The following DISC1 variants were observed in gnomAD, a reference collection of about 807,000 sequenced individuals.
DISC1 encodes disrupted in schizophrenia 1 protein.
Under a neutral mutation model 84.5 loss-of-function variants are expected in DISC1, and 57 were observed. That is an observed-to-expected ratio of 0.67 (90% CI 0.55 to 0.84). The LOEUF (loss-of-function observed/expected upper bound fraction) is 0.84. Ranked by LOEUF, DISC1 falls within the 40% of genes least tolerant of loss-of-function variation. The probability of loss-of-function intolerance (pLI) is 0.00; values close to 1 mark genes in which losing one functional copy is unlikely to be tolerated. For synonymous variants in DISC1, 411 were observed against 415.2 expected (o/e 0.99, Z 0.12); for missense variants, 1,000 against 1,057.8 (o/e 0.95, Z 0.76).
chr1:231,746,956 TCTCA>T (rs1358278379), intron 3 of DISC1, among the ~76,000 whole-genome samples: 19 of 152,110 alleles, frequency 1.2e-4, no homozygotes, highest in Admixed American at 2.0e-4. Flanking sequence ...TGAGAAAGGG[TCTCA>T]CTCTATTCCC....
chr1:231,989,038 C>T (rs1028235229), intron 10 of DISC1, among the ~76,000 whole-genome samples: 1 of 152,202 alleles, frequency 6.6e-6, no homozygotes, highest in African/African-American at 2.4e-5. Flanking sequence ...TCAGCAGTCC[C>T]TTTCATCCAT....
intron 6 of DISC1, among the ~76,000 whole-genome samples, chr1:231,781,702 T>C (rs1002334944): frequency 1.1e-4 from 16 of 151,994 alleles, no homozygotes; most frequent in Non-Finnish European, 1.9e-4. Flanking sequence ...CTTTATCAAA[T>C]TCTCTTATTC....
In DISC1 at chr1:231,694,660, C is replaced by A. The variant is rs763163271; in HGVS notation, c.902C>A (p.Ser301Tyr). 10 of 1,614,254 alleles carry A rather than the reference C, an allele frequency of 6.2e-6. No homozygotes were observed. Among genetic ancestry groups the A allele is most frequent in the Non-Finnish European group, 8.5e-6 (10 of 1,180,048 alleles). The change falls in exon 2 of 13, where the codon TCC becomes TAC. Residue 301 changes from serine (S) to tyrosine (Y), a missense_variant. Physicochemically the swap from Ser to Tyr is moderately radical, Grantham distance 144 (BLOSUM62 -2). Around this residue, in one of 3 missense-constraint regions of DISC1, gnomAD observed 311 missense variants for 400.1 expected, o/e 0.78. Transcript: ENST00000439617. The stretch of plus-strand genomic sequence containing the variant: ...TCTTTACCAGACATGGACCCTGGCT[C>A]CTCCAGTTCTCTGGATCCCTCACTG... ...MHSLPDMDPG[S>Y]SSSLDPSLAG...
At chr1:231,691,838 A>T (rs1476862670) in intron 1 of DISC1, among the ~76,000 whole-genome samples, 1 of 152,076 alleles carries the variant, frequency 6.6e-6, no homozygotes, top group East Asian at 1.9e-4. Context: ...CCCTGTTCCG[A>T]CTGCTGCCCC....
intron 1 of DISC1, among the ~76,000 whole-genome samples, chr1:231,651,594 G>T (rs2060627531): frequency 6.6e-6 from 1 of 152,224 alleles, no homozygotes; most frequent in Admixed American, 6.5e-5. Context: ...CAAACACCAT[G>T]CTGGGAGAAC....
chr1:231,940,459 C>G (rs2091255466), intron 9 of DISC1, among the ~76,000 whole-genome samples: 1 of 152,142 alleles, frequency 6.6e-6, no homozygotes, highest in South Asian at 2.1e-4. Context: ...CACTGTTCTG[C>G]CTTAGGACCC....
rs551888165 is a variant in DISC1, at chr1:231,832,915, G to C, written c.1981+14398G>C. 6.5e-3 allele frequency among the ~76,000 whole-genome samples: 839 copies of C among 128,722 alleles called. 92 individuals carry two copies. The highest frequency in any genetic ancestry group is 0.023 in the African/African-American group (779 of 34,232). The allele number at this position is 128,722 out of a possible 152,430, so 84.4% of individuals were successfully genotyped here. ...TGCTGTAACAGGTGAGTGATAACAG[G>C]CTTTAATCATTTTAAAGAGTGCTGT... On this transcript the variant is annotated intron_variant, in intron 9 of 12. Coordinates refer to ENST00000439617, the MANE Select transcript of DISC1 (RefSeq NM_018662.3).
In DISC1 at chr1:231,959,891, G is replaced by A. The variant is rs150855545; in HGVS notation, c.2042+1003G>A. 2.9e-3 allele frequency among the ~76,000 whole-genome samples: 445 copies of A among 152,280 alleles called. 3 individuals are homozygous for A. The highest frequency in any genetic ancestry group is 0.01 in the African/African-American group (431 of 41,550). ...GTCTGGCCTTCCTCCTCTCGCATGT[G>A]TTCGGGGCAGATTTCTGGCACATCC... On this transcript the variant is annotated intron_variant, in intron 10 of 12. Coordinates refer to ENST00000439617, the MANE Select transcript of DISC1 (RefSeq NM_018662.3).
At chr1:231,938,263 C>T (rs956777775) in intron 9 of DISC1, among the ~76,000 whole-genome samples, 4 of 152,066 alleles carry the variant, frequency 2.6e-5, no homozygotes, top group African/African-American at 9.7e-5. Context: ...CAGATGGGCC[C>T]AATCTAATCA....
chr1:231,740,123 C>T (rs1293207974), intron 3 of DISC1, among the ~76,000 whole-genome samples: 2 of 152,200 alleles, frequency 1.3e-5, no homozygotes, highest in Admixed American at 6.5e-5. Flanking sequence ...ATGCTGGCAG[C>T]TTGATCTTCG....
Position 231,771,001 on chromosome 1 carries a change from C to G in DISC1, c.1565C>G (p.Ala522Gly). Reference sequence around the variant, plus strand: ...GGTCAGCTGCAGGAGGTCAGCAAGGCCTTGCAGGACACCCTGGCCTCAGCC... The same window carrying G: ...GGTCAGCTGCAGGAGGTCAGCAAGGGCTTGCAGGACACCCTGGCCTCAGCC... ...SLGQLQEVSKALQDTLASAGQ... is the reference protein window; with the variant it reads ...SLGQLQEVSKGLQDTLASAGQ... The change falls in exon 6 of 13, where the codon GCC (alanine) becomes GGC (glycine). Residue 522 changes from alanine to glycine, a missense_variant. Physicochemically the swap from Ala to Gly is moderately conservative, Grantham distance 60. Around this residue, in one of 3 missense-constraint regions of DISC1, gnomAD observed 311 missense variants for 400.1 expected, o/e 0.78. Transcript: ENST00000439617. 6.2e-7 allele frequency: 1 copy of G among 1,613,170 alleles called. No individual in the cohort carries two copies.
At chr1:231,935,591 A>G (rs2090935334) in intron 9 of DISC1, among the ~76,000 whole-genome samples, 1 of 152,228 alleles carries the variant, frequency 6.6e-6, no homozygotes, top group Non-Finnish European at 1.5e-5. Context: ...CCTGGTGTTA[A>G]GGGGTGGGCT....
chr1:231,812,246 G>A (rs1190606439), intron 8 of DISC1, among the ~76,000 whole-genome samples: 2 of 151,884 alleles, frequency 1.3e-5, no homozygotes, highest in Non-Finnish European at 2.9e-5. Context: ...TTGTAGAGAT[G>A]GGGGTCTTGC....
chr1:231,904,972 T>C (rs1341508359), intron 9 of DISC1, among the ~76,000 whole-genome samples: 1 of 152,154 alleles, frequency 6.6e-6, no homozygotes, highest in Non-Finnish European at 1.5e-5. Context: ...TCCACACATA[T>C]GCAAATAAAC....
intron 9 of DISC1, among the ~76,000 whole-genome samples, chr1:231,870,980 T>C (rs543927446): frequency 2.2e-3 from 64 of 29,762 alleles, no homozygotes; most frequent in Admixed American, 9.0e-3. Flanking sequence ...AGTTTTGTAA[T>C]ATGTACCCGC....
chr1:231,724,127 C>T (rs1357280101), intron 3 of DISC1: 1 of 701,504 alleles, frequency 1.4e-6, no homozygotes, highest in Non-Finnish European at 1.8e-6. Flanking sequence ...GAACAATGGC[C>T]TTGGTACTTC....
chr1:232,002,118 G>A (rs534543684), intron 10 of DISC1, among the ~76,000 whole-genome samples: 1 of 152,136 alleles, frequency 6.6e-6, no homozygotes, highest in East Asian at 1.9e-4. Flanking sequence ...AGAAGCACGT[G>A]AAAAGATAGT....
intron 9 of DISC1, among the ~76,000 whole-genome samples, chr1:231,911,761 C>T (rs1430436289): frequency 6.6e-6 from 1 of 152,204 alleles, no homozygotes; most frequent in East Asian, 1.9e-4. Context: ...TAATATCCTG[C>T]AGAGTGTTTT....
chr1:231,952,709 A>T (rs821587), intron 9 of DISC1, among the ~76,000 whole-genome samples: 1 of 135,982 alleles, frequency 7.4e-6, no homozygotes, highest in African/African-American at 2.6e-5. Context: ...ATATATATAT[A>T]TATATGTATA....
Sources: allele counts gnomAD v4.1 joint callset (sites outside exome capture counted in the v4.1 genomes callset), GRCh38; gene constraint gnomAD v4.1.1; regional missense constraint gnomAD v4.1.1; transcripts MANE v1.5; gene names NCBI Gene and HGNC (gene_info 2026-07-23, HGNC 2026-07-21).